GGA2: variants seen among roughly 807,000 people sequenced by gnomAD.
GGA2 encodes the protein ADP-ribosylation factor-binding protein GGA2.
GGA2 carries 48 observed loss-of-function variants against 79.5 expected under a neutral mutation model. The ratio of observed to expected loss-of-function variants is 0.60; its 90% CI spans 0.48 to 0.77. The LOEUF is 0.77. GGA2 is among the 30% of genes least tolerant of loss of function. The pLI is 0.00. For missense variants in GGA2, 770 were observed against 774.0 expected (o/e 0.99, Z 0.06); for synonymous variants, 317 against 302.0 (o/e 1.05, Z -0.51).
At chr16:23,507,968 C>T (rs191429462) in intron 1 of GGA2, among the ~76,000 whole-genome samples, 20 of 152,092 alleles carry the variant, frequency 1.3e-4, no homozygotes, top group Non-Finnish European at 2.5e-4. Flanking sequence ...TCAAAAAAAG[C>T]TGGAGTTGAA....
At chr16:23,519,217 A>C (rs972056016) in intron 2 of GGA2, among the ~76,000 whole-genome samples, 47 of 152,022 alleles carry the variant, frequency 3.1e-4, no homozygotes, top group Middle Eastern at 3.4e-3. Context: ...TAATCTTTGC[A>C]TTTTTTGTAG....
Position 23,465,694 on chromosome 16 carries a change from A to C in GGA2, c.*1896T>G. 1 of 330,626 alleles carries C rather than the reference A, an allele frequency of 3.0e-6. No individual in the cohort carries two copies. Among genetic ancestry groups the C allele is most frequent in the East Asian group, 5.7e-5 (1 of 17,554 alleles). The allele number at this position is 330,626 out of a possible 1,614,324, so 20.5% of individuals were successfully genotyped here. A position where few individuals can be genotyped will look rare whatever the true frequency, so the allele number is the denominator to read the frequency against. On this transcript the variant is annotated 3_prime_UTR_variant, in exon 17 of 17. Coordinates refer to ENST00000309859, the MANE Select transcript of GGA2 (RefSeq NM_015044.4). ...GGTGGCTCACGCCTGTAATCCCAGC[A>C]CTCTGGGAGGCCAAGGCAGGCGGAT...
chr16:23,524,271 A>C, upstream of GGA2: 1 of 997,958 alleles, frequency 1.0e-6, no homozygotes, highest in Non-Finnish European at 1.6e-6. Context: ...TTCCTTCAGC[A>C]AACTTCCCGA....
exon 1 of GGA2, chr16:23,521,823 C>A: frequency 2.2e-6 from 1 of 455,988 alleles, no homozygotes; most frequent in South Asian, 1.5e-5. Context: ...TCCTTTTAAC[C>A]ATTCTTAATG....
intron 1 of GGA2, among the ~76,000 whole-genome samples, chr16:23,500,471 G>A (rs978060564): frequency 1.3e-5 from 2 of 152,226 alleles, no homozygotes; most frequent in Admixed American, 6.5e-5. Context: ...AGGCAGAGAG[G>A]AGTGGAGGCA....
Position 23,510,441 on chromosome 16 carries a change from C to T in GGA2, c.-30G>A, listed in dbSNP as rs772790400. The T allele has an allele frequency of 3.7e-4, 334 of 894,076 alleles. 1 individual carries two copies. The highest frequency in any genetic ancestry group is 4.7e-4 in the Non-Finnish European group (311 of 662,906). 55.4% of individuals were successfully genotyped at this position (894,076 alleles called of 1,614,324 possible). ...CCAGCCCCGACGCTGCGGCCGCGGGCGCCACTGCCTCTTCAGCCGCTGTAG... is the reference window on the plus strand; with the variant it reads ...CCAGCCCCGACGCTGCGGCCGCGGGTGCCACTGCCTCTTCAGCCGCTGTAG... On this transcript the variant is annotated 5_prime_UTR_variant, in exon 1 of 17. Transcript: ENST00000309859.
At chr16:23,496,367 T>A (rs1964856026) in intron 1 of GGA2, among the ~76,000 whole-genome samples, 1 of 151,642 alleles carries the variant, frequency 6.6e-6, no homozygotes, top group African/African-American at 2.4e-5. Flanking sequence ...GCTCCACTTT[T>A]AGTGCAGAGG....
At chr16:23,474,097 T>C (rs905007845) in intron 14 of GGA2, among the ~76,000 whole-genome samples, 3 of 152,144 alleles carry the variant, frequency 2.0e-5, no homozygotes. Context: ...TCCTTCCCTT[T>C]TAACAGAGAT....
intron 9 of GGA2, among the ~76,000 whole-genome samples, chr16:23,481,143 C>T (rs1964642692): frequency 6.6e-6 from 1 of 152,128 alleles, no homozygotes; most frequent in Admixed American, 6.5e-5. Context: ...TTTTGGGAGG[C>T]CGAGGCGGGT....
chr16:23,498,451 G>A (rs1171392685), intron 1 of GGA2, among the ~76,000 whole-genome samples: 1 of 152,002 alleles, frequency 6.6e-6, no homozygotes, highest in East Asian at 1.9e-4. Context: ...AAAACAGTCT[G>A]GGCACAGTGT....
At chr16:23,506,831 T>C (rs1964978908) in intron 1 of GGA2, among the ~76,000 whole-genome samples, 3 of 152,202 alleles carry the variant, frequency 2.0e-5, no homozygotes, top group South Asian at 4.1e-4. Flanking sequence ...TGCAATCATC[T>C]TGATCTCCTT....
At chr16:23,521,003 G>A (rs1965137769) in intron 1 of GGA2, among the ~76,000 whole-genome samples, 1 of 152,096 alleles carries the variant, frequency 6.6e-6, no homozygotes. Flanking sequence ...TGTTGGCCAG[G>A]CTGGTCTTGA....
At position 23,499,925 on chromosome 16, in the gene GGA2, G is replaced by C. The variant is rs1370525489; in HGVS notation, c.92-4147C>G. 2.0e-5 allele frequency among the ~76,000 whole-genome samples: 3 copies of C among 152,194 alleles called. No homozygotes were observed. In the South Asian group the frequency reaches 6.2e-4, roughly 32 times the overall value. ...CCACGTGCCTAGGCTCCCGCATCAC[G>C]ATGGGAACAGGGCATGTGGAGGGGA... is the stretch of plus-strand genomic sequence containing the variant. On this transcript the variant is annotated intron_variant, in intron 1 of 16. Coordinates refer to ENST00000309859, the MANE Select transcript of GGA2 (RefSeq NM_015044.4).
chr16:23,490,861 A>T (rs1275619785), intron 5 of GGA2, among the ~76,000 whole-genome samples: 1 of 152,140 alleles, frequency 6.6e-6, no homozygotes, highest in African/African-American at 2.4e-5. Flanking sequence ...TATTTTTCAA[A>T]CTCTAGCTCA....
chr16:23,507,456 T>G (rs186132721), intron 1 of GGA2, among the ~76,000 whole-genome samples: 23 of 152,300 alleles, frequency 1.5e-4, no homozygotes, highest in Non-Finnish European at 2.6e-4. Context: ...GGTGAAACCC[T>G]ATCGCTACTA....
Position 23,510,436 on chromosome 16 carries a change from G to C in GGA2, c.-25C>G, listed in dbSNP as rs1210006149. The C allele has an allele frequency of 2.0e-5, 19 of 967,262 alleles. No homozygotes were observed. Among genetic ancestry groups the C allele is most frequent in the Non-Finnish European group, 2.5e-5 (18 of 729,236 alleles). The allele number at this position is 967,262 out of a possible 1,614,324, so 59.9% of individuals were successfully genotyped here. ...TCGCTCCAGCCCCGACGCTGCGGCC[G>C]CGGGCGCCACTGCCTCTTCAGCCGC... is the stretch of plus-strand genomic sequence containing the variant. On this transcript the variant is annotated 5_prime_UTR_variant, in exon 1 of 17. Transcript: ENST00000309859.
upstream of GGA2, among the ~76,000 whole-genome samples, chr16:23,513,824 A>C (rs918397337): frequency 7.7e-4 from 116 of 151,536 alleles, 1 homozygote; most frequent in Admixed American, 1.3e-3. Flanking sequence ...AAAAGAAAAG[A>C]AAAGAAAAAA....
upstream of GGA2, among the ~76,000 whole-genome samples, chr16:23,512,363 G>T (rs948681225): frequency 2.0e-5 from 3 of 152,214 alleles, no homozygotes; most frequent in Admixed American, 2.0e-4. Context: ...CAAGGGTTCA[G>T]ATGTTCCTCT....
At chr16:23,473,510 T>C (rs1964540917) in intron 14 of GGA2, among the ~76,000 whole-genome samples, 1 of 151,912 alleles carries the variant, frequency 6.6e-6, no homozygotes, top group African/African-American at 2.4e-5. Flanking sequence ...CTAATTTTTA[T>C]ATTTTTAGGG....
Sources: gnomAD v4.1 joint callset for allele counts (sites outside exome capture counted in the v4.1 genomes callset) on GRCh38, gnomAD v4.1.1 for gene constraint, MANE v1.5 for transcripts, NCBI Gene and HGNC (gene_info 2026-07-23, HGNC 2026-07-21) for gene names.